PLCL2: variants seen among roughly 807,000 people sequenced by gnomAD.
The protein encoded by PLCL2 is inactive phospholipase C-like protein 2.
In PLCL2, 4 loss-of-function variants were observed where a neutral mutation model predicts 79.6. That is an observed-to-expected ratio of 0.05 (90% CI 0.02 to 0.11). PLCL2 has a LOEUF of 0.11. Among genes scored for constraint, PLCL2 ranks in the 10% least tolerant of loss-of-function variants. The pLI is 1.00. For missense variants in PLCL2, 895 were observed against 1,291.0 expected, an observed-to-expected ratio of 0.69 and a Z score of 4.70; for synonymous variants, 484 against 457.7, an observed-to-expected ratio of 1.06 and a Z score of -0.73.
intron 1 of PLCL2, among the ~76,000 whole-genome samples, chr3:16,910,937 TGTAA>T (rs1164757903): frequency 2.0e-5 from 3 of 152,252 alleles, no homozygotes; most frequent in African/African-American, 4.8e-5. Context: ...GATAGTGTGC[TGTAA>T]GTATTATTCC....
At chr3:17,024,193 A>G (rs75909360) in intron 3 of PLCL2, among the ~76,000 whole-genome samples, 4,351 of 152,256 alleles carry the variant, frequency 0.029, 225 homozygotes, top group African/African-American at 0.1. Context: ...TACCTTGACT[A>G]TTTTTGTTAG....
intron 4 of PLCL2, among the ~76,000 whole-genome samples, chr3:17,060,823 C>G (rs1393769136): frequency 6.6e-6 from 1 of 152,042 alleles, no homozygotes; most frequent in Non-Finnish European, 1.5e-5. Flanking sequence ...ATCACTACAC[C>G]TAATTTGGGG....
chr3:16,910,671 C>T (rs1559483194), intron 1 of PLCL2, among the ~76,000 whole-genome samples: 2 of 152,090 alleles, frequency 1.3e-5, no homozygotes, highest in Non-Finnish European at 2.9e-5. Context: ...TACCCCGACT[C>T]TCTTCTATGA....
chr3:17,061,193 A>G (rs1271891508), intron 4 of PLCL2, among the ~76,000 whole-genome samples: 1 of 152,242 alleles, frequency 6.6e-6, no homozygotes, highest in African/African-American at 2.4e-5. Flanking sequence ...AATAAATGGC[A>G]TTCATTTCAT....
chr3:17,036,680 A>C (rs946642514), intron 3 of PLCL2, among the ~76,000 whole-genome samples: 36 of 152,218 alleles, frequency 2.4e-4, no homozygotes, highest in Admixed American at 2.4e-3. Flanking sequence ...GCCAAACAGC[A>C]CAAGGCTGAC....
intron 5 of PLCL2, among the ~76,000 whole-genome samples, chr3:17,070,959 T>G (rs1302961583): frequency 6.6e-6 from 1 of 152,154 alleles, no homozygotes; most frequent in Non-Finnish European, 1.5e-5. Context: ...CCTGGGATGC[T>G]TAAACATGCC....
intron 4 of PLCL2, among the ~76,000 whole-genome samples, chr3:17,052,699 A>G (rs997798424): frequency 1.3e-5 from 2 of 152,180 alleles, no homozygotes; most frequent in East Asian, 1.9e-4. Context: ...CAGCAAGACC[A>G]ACCCCTTCTC....
intron 4 of PLCL2, among the ~76,000 whole-genome samples, chr3:17,044,617 G>A (rs1348939325): frequency 6.6e-6 from 1 of 152,028 alleles, no homozygotes; most frequent in Admixed American, 6.6e-5. Context: ...CATGACATCT[G>A]TTCTAACATT....
chr3:17,007,881 T>A (rs942488591), intron 1 of PLCL2, among the ~76,000 whole-genome samples: 2 of 152,178 alleles, frequency 1.3e-5, no homozygotes, highest in African/African-American at 2.4e-5. Flanking sequence ...ATACTGAAAA[T>A]TTGTCATAGA....
At chr3:16,898,299 A>G (rs1381863392) in intron 1 of PLCL2, among the ~76,000 whole-genome samples, 1 of 151,894 alleles carries the variant, frequency 6.6e-6, no homozygotes, top group Non-Finnish European at 1.5e-5. Context: ...GAGAAAATCT[A>G]CAGCCTTTTT....
At chr3:16,891,814 C>T (rs1275871195) in intron 1 of PLCL2, among the ~76,000 whole-genome samples, 2 of 152,166 alleles carry the variant, frequency 1.3e-5, no homozygotes, top group Non-Finnish European at 2.9e-5. Flanking sequence ...ATGAGATTCC[C>T]CTCTGTGCCT....
Position 17,056,211 on chromosome 3 carries a change from G to T in PLCL2, c.3095-11745G>T, listed in dbSNP as rs151280850. 7.0e-3 allele frequency among the ~76,000 whole-genome samples: 1,066 copies of T among 152,208 alleles called. 21 individuals carry two copies. Among genetic ancestry groups the T allele is most frequent in the Non-Finnish European group, 5.5e-3 (371 of 68,010 alleles). On this transcript the variant is annotated intron_variant, in intron 4 of 5. Transcript: ENST00000615277. ...GCATAAATAAACCATTTGGTTATGA[G>T]AATTCCCATTATAATTTCTTATTAA...
chr3:16,951,417 C>G (rs2063651024), intron 1 of PLCL2, among the ~76,000 whole-genome samples: 1 of 151,882 alleles, frequency 6.6e-6, no homozygotes, highest in African/African-American at 2.4e-5. Context: ...TTTTGAAATT[C>G]ATTTTGCCAA....
chr3:16,916,920 C>A (rs1697009327), intron 1 of PLCL2, among the ~76,000 whole-genome samples: 1 of 152,132 alleles, frequency 6.6e-6, no homozygotes, highest in Non-Finnish European at 1.5e-5. Context: ...GGTGGAGGAA[C>A]AACTTATGTG....
intron 3 of PLCL2, among the ~76,000 whole-genome samples, chr3:17,027,142 T>TA (rs1176439420): frequency 6.6e-6 from 1 of 152,164 alleles, no homozygotes; most frequent in Non-Finnish European, 1.5e-5. Context: ...TGTTCTTTCC[T>TA]AAAAAGTGCA....
chr3:16,957,087 CTG>C (rs2063712617), intron 1 of PLCL2, among the ~76,000 whole-genome samples: 1 of 152,056 alleles, frequency 6.6e-6, no homozygotes, highest in African/African-American at 2.4e-5. Context: ...CATGTGTTTG[CTG>C]TTGCTTTTCT....
At chr3:16,948,876 A>G (rs1042941154) in intron 1 of PLCL2, among the ~76,000 whole-genome samples, 4 of 152,236 alleles carry the variant, frequency 2.6e-5, no homozygotes, top group Non-Finnish European at 5.9e-5. Context: ...ATGAAGGTAC[A>G]TAAACTATTT....
intron 1 of PLCL2, among the ~76,000 whole-genome samples, chr3:16,890,085 G>A (rs1385598229): frequency 2.0e-5 from 3 of 152,210 alleles, no homozygotes; most frequent in African/African-American, 7.2e-5. Context: ...CAAGTTAACT[G>A]TTGAAAGGCC....
In PLCL2 at chr3:16,938,183, C is replaced by T. The variant is rs142504655; in HGVS notation, c.327+52817C>T. Among the ~76,000 whole-genome samples, 479 of 152,222 alleles carry T rather than the reference C, an allele frequency of 3.1e-3. 5 individuals are homozygous for T. The highest frequency in any genetic ancestry group is 5.2e-3 in the Non-Finnish European group (354 of 68,002). On this transcript the variant is annotated intron_variant, in intron 1 of 5. Coordinates refer to ENST00000615277, the MANE Select transcript of PLCL2 (RefSeq NM_001144382.2). ...AAGCAGTTAATCATGTTTGGTGGAT[C>T]TGTTCTTTAAAATTTTTGATGATTT...
Sources: gnomAD v4.1 joint callset for allele counts (sites outside exome capture counted in the v4.1 genomes callset) on GRCh38, gnomAD v4.1.1 for gene constraint, MANE v1.5 for transcripts, NCBI Gene and HGNC (gene_info 2026-07-23, HGNC 2026-07-21) for gene names.